TRPC4AP: variants seen among roughly 807,000 people sequenced by gnomAD.
TRPC4AP encodes the protein short transient receptor potential channel 4-associated protein.
Under a neutral mutation model 99.0 loss-of-function variants are expected in TRPC4AP, and 45 were observed. That is an observed-to-expected ratio of 0.45 (90% CI 0.36 to 0.58). TRPC4AP has a LOEUF of 0.58. Ranked by LOEUF, TRPC4AP falls within the 20% of genes least tolerant of loss-of-function variation. The pLI is 0.00. For missense variants in TRPC4AP, 879 were observed against 985.3 expected (o/e 0.89, Z 1.44); for synonymous variants, 408 against 385.8 (o/e 1.06, Z -0.67).
At chr20:35,025,711 T>C (rs1383617722) in intron 8 of TRPC4AP, among the ~76,000 whole-genome samples, 2 of 152,210 alleles carry the variant, frequency 1.3e-5, no homozygotes, top group African/African-American at 4.8e-5. Flanking sequence ...CAAAAAACGT[T>C]CTTCCATTCT....
intron 17 of TRPC4AP, 81 bp from the exon 18 acceptor site, chr20:35,003,697 G>A: frequency 1.4e-6 from 2 of 1,478,358 alleles, no homozygotes; most frequent in South Asian, 2.5e-5. Flanking sequence ...CCATCAGGCA[G>A]GGAGGAGAGT....
chr20:35,069,761 CA>C (rs1288576099), intron 2 of TRPC4AP, among the ~76,000 whole-genome samples: 3 of 152,016 alleles, frequency 2.0e-5, no homozygotes, highest in Non-Finnish European at 2.9e-5. Context: ...GCCAACATGG[CA>C]AAACCCCATC....
chr20:35,044,566 G>C lies in TRPC4AP; in HGVS notation c.804C>G (p.Ala268=), dbSNP rs762499824. ...TGNDDKHTLL[A]KNAQQKKSLS... The stretch of plus-strand genomic sequence containing the variant: ...AGCTCTTCTTCTGTTGAGCATTTTT[G>C]GCAAGAAGCGTGTGCTTGTCATCAT... Residue 268 remains alanine, a synonymous_variant, in exon 7 of 19, where the codon GCC becomes GCG. Coordinates refer to ENST00000252015, the MANE Select transcript of TRPC4AP (RefSeq NM_015638.3). The C allele has an allele frequency of 1.2e-6, 2 of 1,614,094 alleles. No individual in the cohort carries two copies.
intron 2 of TRPC4AP, among the ~76,000 whole-genome samples, chr20:35,071,495 T>C (rs1038730531): frequency 5.7e-5 from 8 of 140,860 alleles, no homozygotes; most frequent in Admixed American, 2.3e-4. Context: ...AGTGTTCTCA[T>C]TGCTCAATTC....
chr20:35,047,624 A>C (rs371151350), intron 6 of TRPC4AP, among the ~76,000 whole-genome samples: 1 of 152,338 alleles, frequency 6.6e-6, no homozygotes, highest in South Asian at 2.1e-4. Flanking sequence ...AGTGGCTTCT[A>C]AACTTTTTAG....
Position 35,080,388 on chromosome 20 carries a change from C to T in TRPC4AP, c.169-2214G>A, listed in dbSNP as rs1024583869. Reference sequence around the variant, plus strand: ...TAGTGGCACATGCCTGTAGTCCCAGCTACTCGGGAGGCTGAGGTGGGAGAA... The same window carrying T: ...TAGTGGCACATGCCTGTAGTCCCAGTTACTCGGGAGGCTGAGGTGGGAGAA... On this transcript the variant is annotated intron_variant, in intron 1 of 18. Coordinates refer to ENST00000252015, the MANE Select transcript of TRPC4AP (RefSeq NM_015638.3). Among the ~76,000 whole-genome samples, 7 of 151,980 alleles carry T rather than the reference C, an allele frequency of 4.6e-5. No individual in the cohort carries two copies. In the East Asian group the frequency reaches 7.8e-4, roughly 17 times the overall value.
intron 7 of TRPC4AP, among the ~76,000 whole-genome samples, chr20:35,042,666 ACACAAGTTT>A (rs1451402514): frequency 2.0e-5 from 3 of 152,154 alleles, no homozygotes; most frequent in Non-Finnish European, 4.4e-5. Flanking sequence ...AGCTTTTAAG[ACACAAGTTT>A]CAGTTCAAAT....
chr20:35,054,846 A>G (rs1260350813), intron 5 of TRPC4AP, 130 bp downstream of exon 5: 2 of 771,790 alleles, frequency 2.6e-6, no homozygotes, highest in Admixed American at 2.9e-5. Context: ...AGGCACACAT[A>G]AAATAAGCCC....
At position 35,022,145 on chromosome 20, in the gene TRPC4AP, C is replaced by G. The variant is rs118057529; in HGVS notation, c.1052-789G>C. The stretch of plus-strand genomic sequence containing the variant: ...CAGCATCTGATTCTTAGGAAGCCCC[C>G]ATTCACTCCTAGATCCTTTCTTTAC... On this transcript the variant is annotated intron_variant, in intron 8 of 18. Coordinates refer to ENST00000252015, the MANE Select transcript of TRPC4AP (RefSeq NM_015638.3). 5.2e-4 allele frequency among the ~76,000 whole-genome samples: 79 copies of G among 152,214 alleles called. 3 individuals are homozygous for G. In the East Asian group the frequency reaches 0.015, roughly 29 times the overall value.
intron 5 of TRPC4AP, among the ~76,000 whole-genome samples, chr20:35,051,124 TTTC>T (rs2083690068): frequency 6.6e-6 from 1 of 152,122 alleles, no homozygotes; most frequent in Admixed American, 6.6e-5. Context: ...GACTTTAATA[TTTC>T]TTTTTTTTAG....
chr20:35,012,947 A>C, intron 11 of TRPC4AP, 61 bp downstream of exon 11: 1 of 1,561,540 alleles, frequency 6.4e-7, no homozygotes, highest in South Asian at 1.1e-5. Flanking sequence ...CCAGACAAGG[A>C]GATCGAGGCC....
intron 17 of TRPC4AP, 115 bp from the exon 18 acceptor site, chr20:35,003,731 CAG>C: frequency 8.8e-6 from 10 of 1,139,414 alleles, no homozygotes; most frequent in Non-Finnish European, 1.2e-5. Context: ...GGGCCACCCA[CAG>C]AGCTCTCCCT....
At chr20:35,060,505 C>T (rs2083971548) in intron 3 of TRPC4AP, among the ~76,000 whole-genome samples, 2 of 146,820 alleles carry the variant, frequency 1.4e-5, no homozygotes, top group Non-Finnish European at 1.5e-5. Context: ...ATAGGAGGCT[C>T]GCTTGAGCCC....
intron 7 of TRPC4AP, among the ~76,000 whole-genome samples, chr20:35,041,525 T>C (rs772435480): frequency 6.6e-6 from 1 of 152,188 alleles, no homozygotes; most frequent in Non-Finnish European, 1.5e-5. Context: ...TAGATTATTT[T>C]ATAGAGACTT....
intron 12 of TRPC4AP, 136 bp downstream of exon 12, chr20:35,010,051 C>T: frequency 1.5e-6 from 1 of 672,322 alleles, no homozygotes. Context: ...ATGCCTGGCA[C>T]ACAGGAGCCC....
intron 7 of TRPC4AP, among the ~76,000 whole-genome samples, chr20:35,036,814 C>T (rs764565091): frequency 6.6e-5 from 10 of 152,044 alleles, no homozygotes; most frequent in African/African-American, 4.8e-5. Context: ...GGCGTGGTAT[C>T]GTGCGCCTGT....
intron 8 of TRPC4AP, among the ~76,000 whole-genome samples, chr20:35,026,169 C>T (rs1226138758): frequency 2.6e-5 from 4 of 151,592 alleles, no homozygotes; most frequent in East Asian, 1.9e-4. Context: ...CATAGTGTCT[C>T]GATTGCAGCT....
At chr20:35,084,526 A>G (rs2084753696) in intron 1 of TRPC4AP, among the ~76,000 whole-genome samples, 1 of 148,080 alleles carries the variant, frequency 6.8e-6, no homozygotes, top group East Asian at 2.0e-4. Flanking sequence ...ATATGTGTAT[A>G]TATGTATATA....
At chr20:35,077,528 G>A (rs2084513978) in intron 2 of TRPC4AP, among the ~76,000 whole-genome samples, 1 of 152,168 alleles carries the variant, frequency 6.6e-6, no homozygotes, top group African/African-American at 2.4e-5. Flanking sequence ...CCAGAACTCT[G>A]TGTTTTAACA....
Sources: allele counts gnomAD v4.1 joint callset (sites outside exome capture counted in the v4.1 genomes callset), GRCh38; gene constraint gnomAD v4.1.1; transcripts MANE v1.5; gene names NCBI Gene and HGNC (gene_info 2026-07-23, HGNC 2026-07-21).